Variants in SH3GL2 observed in about 807,000 individuals in gnomAD.
SH3GL2 encodes endophilin-A1.
In SH3GL2, 24 loss-of-function variants were observed where a neutral mutation model predicts 46.0. The ratio of observed to expected loss-of-function variants is 0.52; its 90% CI spans 0.38 to 0.73. SH3GL2 has a LOEUF of 0.73. Among genes scored for constraint, SH3GL2 ranks in the 30% least tolerant of loss-of-function variants. The probability of loss-of-function intolerance (pLI) is 0.00; values close to 1 mark genes in which losing one functional copy is unlikely to be tolerated. For missense variants in SH3GL2, 413 were observed against 424.2 expected, an observed-to-expected ratio of 0.97 and a Z score of 0.23; for synonymous variants, 196 against 147.1, an observed-to-expected ratio of 1.33 and a Z score of -2.40.
At chr9:17,604,074 A>C (rs776945133) in intron 1 of SH3GL2, among the ~76,000 whole-genome samples, 1 of 152,186 alleles carries the variant, frequency 6.6e-6, no homozygotes. Flanking sequence ...TACGCTTGTT[A>C]CAAAACTGCT....
intron 3 of SH3GL2, among the ~76,000 whole-genome samples, chr9:17,767,285 A>G (rs1205920787): frequency 6.6e-6 from 1 of 152,222 alleles, no homozygotes; most frequent in Non-Finnish European, 1.5e-5. Context: ...TAATAATTTC[A>G]AATCTCATTT....
At chr9:17,701,410 G>T (rs1821340098) in intron 1 of SH3GL2, among the ~76,000 whole-genome samples, 1 of 152,162 alleles carries the variant, frequency 6.6e-6, no homozygotes, top group African/African-American at 2.4e-5. Flanking sequence ...GTAGCAGGTA[G>T]TGGGTGAGGG....
intron 1 of SH3GL2, among the ~76,000 whole-genome samples, chr9:17,675,047 C>T (rs1820573350): frequency 6.6e-6 from 1 of 152,258 alleles, no homozygotes. Context: ...TTGCTGTCAG[C>T]ACAGTATACC....
At chr9:17,742,547 AGG>A (rs1822556955) in intron 1 of SH3GL2, among the ~76,000 whole-genome samples, 1 of 152,178 alleles carries the variant, frequency 6.6e-6, no homozygotes, top group African/African-American at 2.4e-5. Flanking sequence ...TCCCAGAGTG[AGG>A]TGAGCAGTCT....
At chr9:17,790,403 C>T in intron 6 of SH3GL2, 1 of 982,926 alleles carries the variant, frequency 1.0e-6, no homozygotes, top group Non-Finnish European at 1.2e-6. Flanking sequence ...ACTTGCCTTA[C>T]TCCTGACTGT....
intron 1 of SH3GL2, among the ~76,000 whole-genome samples, chr9:17,618,839 A>G (rs1231075293): frequency 6.6e-6 from 1 of 151,604 alleles, no homozygotes; most frequent in Admixed American, 6.6e-5. Flanking sequence ...TGAAAGTTTA[A>G]TAGAAGAAAG....
At chr9:17,764,376 G>A (rs995735816) in intron 3 of SH3GL2, among the ~76,000 whole-genome samples, 1 of 152,230 alleles carries the variant, frequency 6.6e-6, no homozygotes, top group African/African-American at 2.4e-5. Flanking sequence ...AACTGGTAAA[G>A]TTGAGAGTTA....
At chr9:17,596,392 C>T (rs1310704089) in intron 1 of SH3GL2, among the ~76,000 whole-genome samples, 2 of 151,672 alleles carry the variant, frequency 1.3e-5, no homozygotes, top group Admixed American at 6.6e-5. Flanking sequence ...ATAGCATTGA[C>T]ACTGTTTTTT....
chr9:17,773,245 C>T (rs979593385), intron 3 of SH3GL2, among the ~76,000 whole-genome samples: 9 of 152,084 alleles, frequency 5.9e-5, no homozygotes, highest in East Asian at 1.9e-4. Context: ...AAATATTTTC[C>T]CCCATTCTGT....
intron 1 of SH3GL2, among the ~76,000 whole-genome samples, chr9:17,587,419 A>G (rs1241181848): frequency 6.6e-6 from 1 of 152,082 alleles, no homozygotes; most frequent in African/African-American, 2.4e-5. Flanking sequence ...TCTTTCTTAT[A>G]TATATTTGGC....
At position 17,701,976 on chromosome 9, in the gene SH3GL2, A is replaced by G. The variant is rs1348215509; in HGVS notation, c.46-45090A>G. ...TAAATTTATGGAAAAATAGTAAAGT[A>G]TAGCCCAGGAAAATATAAGGAAGGA... On this transcript the variant is annotated intron_variant, in intron 1 of 8. Transcript: ENST00000380607. Among the ~76,000 whole-genome samples the G allele has an allele frequency of 2.6e-5, 4 of 152,200 alleles. No individual in the cohort carries two copies. In the East Asian group the frequency reaches 7.7e-4, roughly 29 times the overall value.
intron 1 of SH3GL2, among the ~76,000 whole-genome samples, chr9:17,733,452 T>C (rs1031331709): frequency 1.3e-5 from 2 of 151,862 alleles, no homozygotes; most frequent in African/African-American, 4.8e-5. Flanking sequence ...ATGGCAATCA[T>C]TAAAAAGTCA....
At chr9:17,699,324 C>G (rs1821288409) in intron 1 of SH3GL2, among the ~76,000 whole-genome samples, 1 of 152,056 alleles carries the variant, frequency 6.6e-6, no homozygotes, top group Non-Finnish European at 1.5e-5. Flanking sequence ...GCATAGCATT[C>G]AAGGTGAAGG....
chr9:17,793,802 C>G (rs147091353), intron 8 of SH3GL2, among the ~76,000 whole-genome samples: 5 of 152,352 alleles, frequency 3.3e-5, no homozygotes, highest in African/African-American at 1.2e-4. Context: ...TCGTAAATCG[C>G]CTTTCCTTGT....
At chr9:17,767,427 C>G (rs1300599392) in intron 3 of SH3GL2, among the ~76,000 whole-genome samples, 1 of 152,154 alleles carries the variant, frequency 6.6e-6, no homozygotes, top group Non-Finnish European at 1.5e-5. Flanking sequence ...CATGTCCTTC[C>G]AAAGATGAAT....
chr9:17,674,702 TAGA>T (rs1820565489), intron 1 of SH3GL2, among the ~76,000 whole-genome samples: 1 of 152,138 alleles, frequency 6.6e-6, no homozygotes, highest in Admixed American at 6.5e-5. Flanking sequence ...CAGCTGAAGG[TAGA>T]AGGTCTAGAA....
chr9:17,781,953 C>G (rs370346654), intron 3 of SH3GL2, among the ~76,000 whole-genome samples: 1 of 152,168 alleles, frequency 6.6e-6, no homozygotes, highest in South Asian at 2.1e-4. Flanking sequence ...AGTGAGCACT[C>G]TGACTCTCCA....
In SH3GL2 at chr9:17,589,072, T is replaced by G. The variant is rs1344995587; in HGVS notation, c.45+9785T>G. 2.6e-5 allele frequency: 4 copies of G among 152,242 alleles called. No homozygotes were observed. The South Asian group carries it at 6.2e-4, about 24-fold the overall frequency. The allele number at this position is 152,242 out of a possible 1,614,324, so 9.4% of individuals were successfully genotyped here. ...ATCTATTTGTGAGCTTGTAAGTGTA[T>G]GTATATGTGCATATGTCCATATGTA... is the stretch of plus-strand genomic sequence containing the variant. On this transcript the variant is annotated intron_variant, in intron 1 of 8. Transcript: ENST00000380607.
intron 1 of SH3GL2, among the ~76,000 whole-genome samples, chr9:17,612,529 A>C (rs1319390688): frequency 6.6e-6 from 1 of 152,174 alleles, no homozygotes; most frequent in Non-Finnish European, 1.5e-5. Flanking sequence ...AGGACCAGAA[A>C]TTGTATAATT....
Sources: allele counts gnomAD v4.1 joint callset (sites outside exome capture counted in the v4.1 genomes callset), GRCh38; gene constraint gnomAD v4.1.1; transcripts MANE v1.5; gene names NCBI Gene and HGNC (gene_info 2026-07-23, HGNC 2026-07-21).